The following MADCAM1 variants were observed in gnomAD, a reference collection of about 807,000 sequenced individuals.
The protein encoded by MADCAM1 is mucosal vascular addressin cell adhesion molecule 1.
In MADCAM1, 19 loss-of-function variants were observed where a neutral mutation model predicts 26.1. The ratio of observed to expected loss-of-function variants is 0.73; its 90% CI spans 0.51 to 1.07. MADCAM1 has a LOEUF of 1.07. Among genes scored for constraint, MADCAM1 ranks in the 50% least tolerant of loss-of-function variants. The pLI, the probability that MADCAM1 is intolerant of heterozygous loss-of-function variation, is 0.00. For synonymous variants in MADCAM1, 268 were observed against 260.9 expected (o/e 1.03, Z -0.26); for missense variants, 514 against 542.1 (o/e 0.95, Z 0.51).
rs1489381692 is a variant in MADCAM1, at chr19:504,793, G to C, written c.977G>C (p.Ser326Thr). 8 of 1,612,758 alleles carry C rather than the reference G, an allele frequency of 5.0e-6. No homozygotes were observed. In the South Asian group the frequency reaches 5.5e-5, roughly 11 times the overall value. Residue 326 changes from serine (S) to threonine (T), a missense_variant, in exon 5 of 5, where the codon AGT becomes ACT. Ser to Thr is a moderately conservative substitution (Grantham distance 58). This residue lies in a region of MADCAM1 where 152 missense variants were observed against 136.7 expected (regional missense o/e 1.11). Coordinates refer to ENST00000215637, the MANE Select transcript of MADCAM1 (RefSeq NM_130760.3). Reference protein sequence around the residue: ...DQLPAALWTSSAVLGLLLLAL... With the variant: ...DQLPAALWTSTAVLGLLLLAL... ...CTGCCCGCGGCTCTGTGGACCAGCA[G>C]TGCGGTGCTGGGACTGCTGCTCCTG...
chr19:498,795 T>A lies in MADCAM1; in HGVS notation c.637T>A (p.Leu213Met). 1.4e-6 allele frequency: 2 copies of A among 1,433,354 alleles called. No homozygotes were observed. The highest frequency in any genetic ancestry group is 2.5e-5 in the South Asian group (2 of 79,258). 88.8% of individuals were successfully genotyped at this position (1,433,354 alleles called of 1,614,324 possible). ...YCQATMRLPG[L>M]ELSHRQAIPV... ...CCAGGCCACGATGAGGCTGCCTGGC[T>A]TGGAGCTCAGCCACCGCCAGGCCAT... is the stretch of plus-strand genomic sequence containing the variant. Residue 213 changes from leucine to methionine, a missense_variant, in exon 3 of 5, where the codon TTG becomes ATG. Physicochemically the swap from Leu to Met is conservative, Grantham distance 15. This residue lies in a region of MADCAM1 where 317 missense variants were observed against 313.6 expected (regional missense o/e 1.01). Coordinates refer to ENST00000215637, the MANE Select transcript of MADCAM1 (RefSeq NM_130760.3).
intron 3 of MADCAM1, among the ~76,000 whole-genome samples, chr19:500,533 C>T (rs1978316082): frequency 1.3e-5 from 2 of 151,962 alleles, no homozygotes; most frequent in African/African-American, 4.8e-5. Context: ...AGTTCAAGAC[C>T]AGCCTGGCCA....
At position 498,091 on chromosome 19, in the gene MADCAM1, A is replaced by T; in HGVS notation, c.311A>T (p.Gln104Leu). The stretch of plus-strand genomic sequence containing the variant: ...GGCTCCTGCGGGGGCCGCACCTTCC[A>T]GCACACCGTGCAGCTCCTTGTGTAC... Reference protein sequence around the residue: ...CVGSCGGRTFQHTVQLLVYAF... With the variant: ...CVGSCGGRTFLHTVQLLVYAF... The change falls in exon 2 of 5, where the codon CAG becomes CTG. Residue 104 changes from glutamine to leucine, a missense_variant. Physicochemically the swap from Gln to Leu is moderately radical, Grantham distance 113 (BLOSUM62 -2). This residue lies in a region of MADCAM1 where 317 missense variants were observed against 313.6 expected (regional missense o/e 1.01). Transcript: ENST00000215637. The T allele has an allele frequency of 1.4e-6, 2 of 1,439,426 alleles. No homozygotes were observed. The highest frequency in any genetic ancestry group is 1.8e-6 in the Non-Finnish European group (2 of 1,101,524). The allele number at this position is 1,439,426 out of a possible 1,614,324, so 89.2% of individuals were successfully genotyped here.
At chr19:496,646 G>C (rs1231834561) in intron 1 of MADCAM1, 95 bp downstream of exon 1, 2 of 665,236 alleles carry the variant, frequency 3.0e-6, no homozygotes, top group South Asian at 8.0e-5. Flanking sequence ...GCTCAGGAGA[G>C]AGGAGAGGGC....
chr19:498,151 C>T (rs970964703), intron 2 of MADCAM1, 34 bp downstream of exon 2: 19 of 1,302,706 alleles, frequency 1.5e-5, no homozygotes, highest in African/African-American at 3.1e-5. Context: ...CCTCTCTGAC[C>T]CTTGGACTCC....
intron 1 of MADCAM1, among the ~76,000 whole-genome samples, chr19:496,833 A>G (rs1171786494): frequency 2.9e-3 from 1 of 350 alleles, no homozygotes. Context: ...CGCGGGAGAG[A>G]GGAGGGGGCG....
chr19:498,352 G>A, intron 2 of MADCAM1, 144 bp from the exon 3 acceptor site: 1 of 985,438 alleles, frequency 1.0e-6, no homozygotes, highest in Non-Finnish European at 1.4e-6. Context: ...CACGGGGCCT[G>A]CGCACAGGCC....
In MADCAM1 at chr19:505,016, T is replaced by C. The variant is rs777139660; in HGVS notation, c.*51T>C. Reference sequence around the variant, plus strand: ...GCAAAATAGCTTGGACCCCTTCAAGTTGAGAACTGGTCAGGGCAAACCTGC... The same window carrying C: ...GCAAAATAGCTTGGACCCCTTCAAGCTGAGAACTGGTCAGGGCAAACCTGC... On this transcript the variant is annotated 3_prime_UTR_variant, in exon 5 of 5. Coordinates refer to ENST00000215637, the MANE Select transcript of MADCAM1 (RefSeq NM_130760.3). 2.9e-6 allele frequency: 4 copies of C among 1,402,956 alleles called. No individual in the cohort carries two copies. Among genetic ancestry groups the C allele is most frequent in the East Asian group, 5.0e-5 (2 of 40,330 alleles). 86.9% of individuals were successfully genotyped at this position (1,402,956 alleles called of 1,614,324 possible).
chr19:499,443 CACAGGCACACACGCACACGCGTGTACAA>C (rs765441453), intron 3 of MADCAM1: 32 of 446,282 alleles, frequency 7.2e-5, no homozygotes, highest in South Asian at 3.6e-4. Context: ...CACGCGTGCA[CACAGGCACACACGCACACGCGTGTACAA>C]ACAGGCACAC....
At position 502,929 on chromosome 19, in the gene MADCAM1, C is replaced by G. The variant is rs112039732; in HGVS notation, c.928+1000C>G. On this transcript the variant is annotated intron_variant, in intron 4 of 4. Coordinates refer to ENST00000215637, the MANE Select transcript of MADCAM1 (RefSeq NM_130760.3). Reference sequence around the variant, plus strand: ...ACAAACAAGGAGAGGAAGTTGCTTACGAAAGATTTGAGGAAGCAGTAACAT... The same window carrying G: ...ACAAACAAGGAGAGGAAGTTGCTTAGGAAAGATTTGAGGAAGCAGTAACAT... 3.3e-5 allele frequency among the ~76,000 whole-genome samples: 5 copies of G among 152,084 alleles called. No individual in the cohort carries two copies. The South Asian group carries it at 1.0e-3, about 32-fold the overall frequency.
Position 505,004 on chromosome 19 carries a change from G to A in MADCAM1, c.*39G>A. ...CCCCCTGTGAAAGCAAAATAGCTTG[G>A]ACCCCTTCAAGTTGAGAACTGGTCA... On this transcript the variant is annotated 3_prime_UTR_variant, in exon 5 of 5. Coordinates refer to ENST00000215637, the MANE Select transcript of MADCAM1 (RefSeq NM_130760.3). 1 of 1,486,448 alleles carries A rather than the reference G, an allele frequency of 6.7e-7. No homozygotes were observed. The allele number at this position is 1,486,448 out of a possible 1,614,324, so 92.1% of individuals were successfully genotyped here.
At chr19:498,452 C>T in intron 2 of MADCAM1, 44 bp from the exon 3 acceptor site, 1 of 1,434,734 alleles carries the variant, frequency 7.0e-7, no homozygotes, top group Non-Finnish European at 9.1e-7. Context: ...TCACGTCCAG[C>T]CCTGACTCTG....
rs1422081158 is a variant in MADCAM1 at position 501,723 on chromosome 19, C to A, written c.722C>A (p.Pro241His). 1 of 1,565,072 alleles carries A rather than the reference C, an allele frequency of 6.4e-7. No homozygotes were observed. Among genetic ancestry groups the A allele is most frequent in the African/African-American group, 1.4e-5 (1 of 72,616 alleles). Residue 241 changes from proline (P) to histidine (H), a missense_variant, in exon 4 of 5, where the codon CCC becomes CAC. Pro to His is a moderately conservative substitution (Grantham distance 77). This residue lies in a region of MADCAM1 where 45 missense variants were observed against 91.8 expected (regional missense o/e 0.49). Coordinates refer to ENST00000215637, the MANE Select transcript of MADCAM1 (RefSeq NM_130760.3). Reference protein sequence around the residue: ...EPPDTTSPESPDTTSPESPDT... With the variant: ...EPPDTTSPESHDTTSPESPDT... ...CCCGACACCACCTCCCCGGAGTCTC[C>A]CGACACCACCTCCCCGGAGTCTCCC...
chr19:497,743 C>A, intron 1 of MADCAM1, 90 bp from the exon 2 acceptor site: 1 of 901,524 alleles, frequency 1.1e-6, no homozygotes, highest in Non-Finnish European at 1.3e-6. Context: ...AGAGGCGGGG[C>A]GGGGTCCGGG....
At chr19:500,636 T>G (rs140242542) in intron 3 of MADCAM1, among the ~76,000 whole-genome samples, 463 of 152,118 alleles carry the variant, frequency 3.0e-3, no homozygotes, top group African/African-American at 0.011. Flanking sequence ...TTTGGGAAGC[T>G]GAGGTGGGTG....
chr19:499,787 T>A (rs977077079), intron 3 of MADCAM1: 1 of 456,378 alleles, frequency 2.2e-6, no homozygotes, highest in South Asian at 1.5e-5. Context: ...TGAAGACATT[T>A]AATGTGGGCC....
Position 497,952 on chromosome 19 carries a change from G to A in MADCAM1, c.172G>A (p.Val58Met). 6.8e-7 allele frequency: 1 copy of A among 1,470,166 alleles called. No homozygotes were observed. Among genetic ancestry groups the A allele is most frequent in the Non-Finnish European group, 9.0e-7 (1 of 1,116,926 alleles). 91.1% of individuals were successfully genotyped at this position (1,470,166 alleles called of 1,614,324 possible). ...RLACADRGAS[V>M]QWRGLDTSLG... The stretch of plus-strand genomic sequence containing the variant: ...GGCCTGCGCGGACCGCGGGGCCTCG[G>A]TGCAGTGGCGGGGCCTGGACACCAG... Residue 58 changes from valine (V) to methionine (M), a missense_variant, in exon 2 of 5, where the codon GTG (valine) becomes ATG (methionine). Physicochemically the swap from Val to Met is conservative, Grantham distance 21. Coordinates refer to ENST00000215637, the MANE Select transcript of MADCAM1 (RefSeq NM_130760.3).
intron 4 of MADCAM1, among the ~76,000 whole-genome samples, chr19:504,326 C>T (rs916392992): frequency 2.9e-5 from 4 of 137,176 alleles, no homozygotes; most frequent in South Asian, 2.3e-4. Flanking sequence ...TGCAGTGGTG[C>T]GATCTCAGCT....
intron 3 of MADCAM1, among the ~76,000 whole-genome samples, chr19:501,206 C>T (rs2086690413): frequency 6.6e-6 from 1 of 150,512 alleles, no homozygotes; most frequent in Non-Finnish European, 1.5e-5. Context: ...AAAAACCAGG[C>T]CGGGCGTGGT....
Sources: gnomAD v4.1 joint callset for allele counts (sites outside exome capture counted in the v4.1 genomes callset) on GRCh38, gnomAD v4.1.1 for gene constraint, gnomAD v4.1.1 regional missense constraint, MANE v1.5 for transcripts, NCBI Gene and HGNC (gene_info 2026-07-23, HGNC 2026-07-21) for gene names.